The following MICAL3 variants were observed in gnomAD, a reference collection of about 807,000 sequenced individuals.
MICAL3 encodes [F-actin]-monooxygenase MICAL3.
A neutral mutation model predicts 207.4 loss-of-function variants in MICAL3; 62 were observed. That is an observed-to-expected ratio of 0.30 (90% confidence interval 0.24 to 0.37). MICAL3 has a LOEUF of 0.37. MICAL3 is among the 10% of genes least tolerant of loss of function. MICAL3 has a pLI of 1.00. For synonymous variants in MICAL3, 1,077 were observed against 1,069.3 expected, an observed-to-expected ratio of 1.01 and a Z score of -0.14; for missense variants, 2,368 against 2,635.6, an observed-to-expected ratio of 0.90 and a Z score of 2.22.
chr22:17,887,476 G>C, intron 13 of MICAL3, 41 bp from the exon 14 acceptor site: 2 of 1,439,100 alleles, frequency 1.4e-6, no homozygotes, highest in Non-Finnish European at 1.9e-6. Context: ...CAGCCCTTGA[G>C]GGCGCCGCAA....
At chr22:18,013,434 A>G (rs1454427758) in intron 1 of MICAL3, among the ~76,000 whole-genome samples, 1 of 152,216 alleles carries the variant, frequency 6.6e-6, no homozygotes, top group Non-Finnish European at 1.5e-5. Context: ...AGAAGTTAAA[A>G]GATGTGCCCA....
At chr22:17,920,320 C>T (rs973118936) in intron 1 of MICAL3, among the ~76,000 whole-genome samples, 1 of 152,196 alleles carries the variant, frequency 6.6e-6, no homozygotes, top group African/African-American at 2.4e-5. Flanking sequence ...CCACTGGTTC[C>T]TCCAGCCTGA....
chr22:17,849,688 ATTTTTTTTTTT>A (rs57344653), intron 19 of MICAL3, among the ~76,000 whole-genome samples: 6 of 36,292 alleles, frequency 1.7e-4, no homozygotes, highest in South Asian at 1.3e-3. Context: ...GTGTGTGTGT[ATTTTTTTTTTT>A]TTTTTTTTTT....
At chr22:17,976,810 C>T (rs9605460) in intron 1 of MICAL3, among the ~76,000 whole-genome samples, 30,985 of 119,786 alleles carry the variant, frequency 0.26, 3,613 homozygotes, top group Middle Eastern at 0.34. Context: ...GAGACTTCTT[C>T]TTTTTTTTTT....
intron 1 of MICAL3, among the ~76,000 whole-genome samples, chr22:18,014,309 A>G (rs575953268): frequency 1.7e-4 from 26 of 152,354 alleles, no homozygotes; most frequent in African/African-American, 6.3e-4. Context: ...AAAATGAGGC[A>G]CTAAGACACT....
chr22:17,945,392 G>A (rs1457497823), intron 1 of MICAL3, among the ~76,000 whole-genome samples: 1 of 152,174 alleles, frequency 6.6e-6, no homozygotes, highest in African/African-American at 2.4e-5. Context: ...CCAGCTCCCT[G>A]CACACGCGCT....
At position 17,790,573 on chromosome 22, in the gene MICAL3, A is replaced by G; in HGVS notation, c.*159T>C. ...TAACCACTGTCACCTGGGGCTCCCC[A>G]CTGCACGCGGGACTCGACCACTTTC... On this transcript the variant is annotated 3_prime_UTR_variant, in exon 32 of 32. Transcript: ENST00000441493. 1 of 663,900 alleles carries G rather than the reference A, an allele frequency of 1.5e-6. No individual in the cohort carries two copies. Among genetic ancestry groups the G allele is most frequent in the Non-Finnish European group, 2.5e-6 (1 of 395,830 alleles). 41.1% of individuals were successfully genotyped at this position (663,900 alleles called of 1,614,324 possible).
chr22:17,975,992 T>C (rs1000071686), intron 1 of MICAL3, among the ~76,000 whole-genome samples: 3 of 151,838 alleles, frequency 2.0e-5, no homozygotes, highest in African/African-American at 7.3e-5. Flanking sequence ...GAGGTTGCAG[T>C]GAGCCGAGAT....
chr22:17,988,601 C>T (rs1921299886), intron 1 of MICAL3, among the ~76,000 whole-genome samples: 1 of 152,038 alleles, frequency 6.6e-6, no homozygotes, highest in Admixed American at 6.6e-5. Context: ...ACTACAGGCG[C>T]CTGCAACCGC....
intron 28 of MICAL3, 106 bp from the exon 29 acceptor site, chr22:17,809,043 A>G: frequency 5.2e-6 from 5 of 964,180 alleles, no homozygotes; most frequent in Non-Finnish European, 7.8e-6. Flanking sequence ...GCCGCTCTGG[A>G]AAGGGCTCTA....
At chr22:18,023,382 C>G (rs533845582) in intron 1 of MICAL3, among the ~76,000 whole-genome samples, 7 of 152,334 alleles carry the variant, frequency 4.6e-5, no homozygotes, top group Non-Finnish European at 1.0e-4. Context: ...AATAGCACCA[C>G]AGGGCCCAGC....
intron 27 of MICAL3, among the ~76,000 whole-genome samples, chr22:17,816,401 G>C (rs961679317): frequency 6.6e-6 from 1 of 152,242 alleles, no homozygotes; most frequent in Non-Finnish European, 1.5e-5. Context: ...ACAATGCCAG[G>C]CTGCCTCCTC....
intron 22 of MICAL3, among the ~76,000 whole-genome samples, chr22:17,826,278 T>A (rs1249062488): frequency 6.6e-6 from 1 of 152,042 alleles, no homozygotes; most frequent in Non-Finnish European, 1.5e-5. Context: ...AGGGGGGGTG[T>A]GCGTCTGATC....
chr22:17,884,413 T>C lies in MICAL3; in HGVS notation c.2241+1465A>G, dbSNP rs1929699851. The C allele has an allele frequency of 2.3e-6, 3 of 1,300,458 alleles. No homozygotes were observed. The East Asian group carries it at 8.0e-5, about 34-fold the overall frequency. 80.6% of individuals were successfully genotyped at this position (1,300,458 alleles called of 1,614,324 possible). On this transcript the variant is annotated intron_variant, in intron 16 of 31. Coordinates refer to ENST00000441493, the MANE Select transcript of MICAL3 (RefSeq NM_015241.3). Reference sequence around the variant, plus strand: ...GACAGGACATGGAGACAAAACAAAATAAAAATACATTAAGGTGGGAGAAGA... The same window carrying C: ...GACAGGACATGGAGACAAAACAAAACAAAAATACATTAAGGTGGGAGAAGA...
chr22:17,849,467 T>G (rs375126373), intron 19 of MICAL3, among the ~76,000 whole-genome samples: 1 of 152,158 alleles, frequency 6.6e-6, no homozygotes, highest in Non-Finnish European at 1.5e-5. Flanking sequence ...CCTGAGTAGC[T>G]GAGACTACAG....
At position 17,817,992 on chromosome 22, in the gene MICAL3, G is replaced by T. The variant is rs566055835; in HGVS notation, c.4669C>A (p.Arg1557Ser). 1.9e-6 allele frequency: 3 copies of T among 1,612,232 alleles called. No individual in the cohort carries two copies. In the South Asian group the frequency reaches 3.3e-5, roughly 18 times the overall value. Residue 1557 changes from arginine (R) to serine (S), a missense_variant, in exon 26 of 32, where the codon CGC (arginine) becomes AGC (serine). By Grantham distance (110) the Arg-to-Ser change is moderately radical. This residue lies in a region of MICAL3 where 1,770 missense variants were observed against 1,863.2 expected (regional missense o/e 0.95). Coordinates refer to ENST00000441493, the MANE Select transcript of MICAL3 (RefSeq NM_015241.3). ...PSCWPRPEKP[R>S]HPPLAKENGR... is the part of the protein sequence containing the mutation. ...TTCTCCTTGGCCAGGGGCGGGTGGCGAGGCTTCTCGGGGCGCGGCCAGCAG... is the reference window on the plus strand; with the variant it reads ...TTCTCCTTGGCCAGGGGCGGGTGGCTAGGCTTCTCGGGGCGCGGCCAGCAG...
chr22:17,967,472 A>ACC (rs1350604108), intron 1 of MICAL3, among the ~76,000 whole-genome samples: 2 of 125,756 alleles, frequency 1.6e-5, no homozygotes, highest in Non-Finnish European at 3.5e-5. Context: ...AAACACACAC[A>ACC]CACACACACA....
At chr22:17,898,117 A>AC (rs1931008129) in intron 7 of MICAL3, among the ~76,000 whole-genome samples, 2 of 151,808 alleles carry the variant, frequency 1.3e-5, no homozygotes, top group African/African-American at 4.9e-5. Flanking sequence ...TAAAAAAAAA[A>AC]AAACATGAAG....
At chr22:17,928,438 C>CAAA (rs371390135) in intron 1 of MICAL3, among the ~76,000 whole-genome samples, 4 of 144,656 alleles carry the variant, frequency 2.8e-5, no homozygotes, top group Admixed American at 6.8e-5. Context: ...GACTCCGTCT[C>CAAA]AAAAAAAAAG....
Sources: allele counts gnomAD v4.1 joint callset (sites outside exome capture counted in the v4.1 genomes callset), GRCh38; gene constraint gnomAD v4.1.1; regional missense constraint gnomAD v4.1.1; transcripts MANE v1.5; gene names NCBI Gene and HGNC (gene_info 2026-07-23, HGNC 2026-07-21).